PIK3C2G: variants seen among roughly 807,000 people sequenced by gnomAD.
PIK3C2G encodes phosphatidylinositol-4-phosphate 3-kinase catalytic subunit type 2 gamma.
In PIK3C2G, 168 loss-of-function variants were observed where a neutral mutation model predicts 181.1. The ratio of observed to expected loss-of-function variants is 0.93; its 90% CI spans 0.82 to 1.05. The LOEUF is 1.05. Ranked by LOEUF, PIK3C2G falls within the 50% of genes least tolerant of loss-of-function variation. The pLI is 0.00. For synonymous variants in PIK3C2G, 573 were observed against 592.2 expected (o/e 0.97, Z 0.47); for missense variants, 1,869 against 1,732.8 (o/e 1.08, Z -1.40).
chr12:18,309,984 A>C (rs146926377), intron 5 of PIK3C2G, among the ~76,000 whole-genome samples: 5 of 151,964 alleles, frequency 3.3e-5, no homozygotes, highest in African/African-American at 1.2e-4. Flanking sequence ...TAAGTAAATG[A>C]AGTATTTACA....
intron 30 of PIK3C2G, 62 bp from the exon 31 acceptor site, chr12:18,609,473 T>C: frequency 1.1e-6 from 1 of 904,744 alleles, no homozygotes; most frequent in Non-Finnish European, 1.8e-6. Flanking sequence ...TTTTAAATGT[T>C]TGATTGTTCC....
chr12:18,444,213 T>C (rs2135845817), intron 18 of PIK3C2G, among the ~76,000 whole-genome samples: 2 of 152,296 alleles, frequency 1.3e-5, no homozygotes, highest in South Asian at 2.1e-4. Context: ...TGCCCTTTCC[T>C]GGAACGGCCA....
At chr12:18,383,129 G>C (rs1473015602) in intron 14 of PIK3C2G, among the ~76,000 whole-genome samples, 1 of 152,162 alleles carries the variant, frequency 6.6e-6, no homozygotes, top group Admixed American at 6.5e-5. Flanking sequence ...AAAGAGGAGA[G>C]ACTCATCACA....
chr12:18,274,052 A>G (rs551780498), intron 1 of PIK3C2G, among the ~76,000 whole-genome samples: 8 of 152,340 alleles, frequency 5.3e-5, no homozygotes, highest in African/African-American at 1.7e-4. Flanking sequence ...CATGAAAAAA[A>G]TGCTCATCAT....
chr12:18,249,439 C>T (rs897384487), intron 1 of PIK3C2G, among the ~76,000 whole-genome samples: 1 of 152,152 alleles, frequency 6.6e-6, no homozygotes, highest in East Asian at 1.9e-4. Flanking sequence ...TTCTCCCTGA[C>T]TTCCACTACA....
chr12:18,567,028 A>G lies in PIK3C2G; in HGVS notation c.3982A>G (p.Ile1328Val). Residue 1328 changes from isoleucine (I) to valine (V), a missense_variant, in exon 29 of 33, where the codon ATA (isoleucine) becomes GTA (valine). Ile to Val is a conservative substitution (Grantham distance 29). Coordinates refer to ENST00000538779, the MANE Select transcript of PIK3C2G (RefSeq NM_001288772.2). ...AGATCTAAATCATTACATGGAACAG[A>G]TATTAAATGTATCACATGAAGTTAC... ...FRDLNHYMEQ[I>V]LNVSHEVTNS... 2 of 1,526,434 alleles carry G rather than the reference A, an allele frequency of 1.3e-6. No homozygotes were observed. The highest frequency in any genetic ancestry group is 1.8e-6 in the Non-Finnish European group (2 of 1,103,442). The allele number at this position is 1,526,434 out of a possible 1,614,324, so 94.6% of individuals were successfully genotyped here.
At chr12:18,449,957 C>A (rs981551899) in intron 18 of PIK3C2G, among the ~76,000 whole-genome samples, 1 of 152,152 alleles carries the variant, frequency 6.6e-6, no homozygotes, top group African/African-American at 2.4e-5. Context: ...TGTTTTCTGA[C>A]TTTTTAATGA....
chr12:18,435,440 G>A (rs929323077), intron 18 of PIK3C2G, among the ~76,000 whole-genome samples: 1 of 151,962 alleles, frequency 6.6e-6, no homozygotes, highest in Non-Finnish European at 1.5e-5. Flanking sequence ...GTAACAACTT[G>A]ATCCCAAACT....
At chr12:18,419,213 G>A (rs1284411802) in intron 16 of PIK3C2G, among the ~76,000 whole-genome samples, 2 of 152,150 alleles carry the variant, frequency 1.3e-5, no homozygotes, top group African/African-American at 2.4e-5. Flanking sequence ...CATAGTTAAA[G>A]ATATAGCATT....
intron 31 of PIK3C2G, among the ~76,000 whole-genome samples, chr12:18,612,832 G>A (rs1015240279): frequency 6.6e-6 from 1 of 152,092 alleles, no homozygotes; most frequent in South Asian, 2.1e-4. Flanking sequence ...GAAAAGTATT[G>A]TTTATCTTTT....
chr12:18,515,561 C>T (rs182368113), intron 24 of PIK3C2G, among the ~76,000 whole-genome samples: 46 of 152,080 alleles, frequency 3.0e-4, no homozygotes, highest in African/African-American at 1.1e-3. Context: ...TCATATCAGT[C>T]GTAATGTCCC....
intron 26 of PIK3C2G, among the ~76,000 whole-genome samples, chr12:18,556,207 C>T (rs1945003354): frequency 6.6e-6 from 1 of 152,148 alleles, no homozygotes; most frequent in Admixed American, 6.6e-5. Flanking sequence ...CATAATCCTG[C>T]TAATGCTGCC....
At chr12:18,545,106 T>G (rs1944354744) in intron 25 of PIK3C2G, among the ~76,000 whole-genome samples, 1 of 151,854 alleles carries the variant, frequency 6.6e-6, no homozygotes, top group African/African-American at 2.4e-5. Context: ...TACAAAATCC[T>G]TAATGTTGCC....
chr12:18,503,133 G>A, intron 22 of PIK3C2G, 148 bp from the exon 23 acceptor site: 1 of 478,796 alleles, frequency 2.1e-6, no homozygotes. Flanking sequence ...AGAAAGAGAT[G>A]CATCTAGATA....
At chr12:18,601,415 C>T (rs903344994) in intron 30 of PIK3C2G, among the ~76,000 whole-genome samples, 21 of 151,866 alleles carry the variant, frequency 1.4e-4, no homozygotes, top group African/African-American at 1.9e-4. Flanking sequence ...AGCTTAAAAA[C>T]GCTGATCTCA....
At chr12:18,528,041 A>C (rs1233269396) in intron 24 of PIK3C2G, among the ~76,000 whole-genome samples, 1 of 152,156 alleles carries the variant, frequency 6.6e-6, no homozygotes, top group East Asian at 1.9e-4. Context: ...GAGATCTCAC[A>C]GGGTGTTAAA....
intron 31 of PIK3C2G, among the ~76,000 whole-genome samples, chr12:18,610,959 G>A (rs1044779854): frequency 3.9e-5 from 6 of 151,952 alleles, no homozygotes; most frequent in Admixed American, 3.3e-4. Context: ...CTTTTAGACT[G>A]GGCATGTAAA....
the PIK3C2G span, among the ~76,000 whole-genome samples, chr12:18,716,889 C>T: frequency 2.0e-5 from 3 of 152,056 alleles, no homozygotes; most frequent in Non-Finnish European, 4.4e-5. Flanking sequence ...ATATTGAATG[C>T]TTTACAGCAG....
At chr12:18,304,676 T>C (rs186857203) in intron 5 of PIK3C2G, among the ~76,000 whole-genome samples, 1 of 152,232 alleles carries the variant, frequency 6.6e-6, no homozygotes, top group African/African-American at 2.4e-5. Flanking sequence ...ATATATACAG[T>C]TTTAAGTAAT....
Sources: allele counts gnomAD v4.1 joint callset (sites outside exome capture counted in the v4.1 genomes callset), GRCh38; gene constraint gnomAD v4.1.1; transcripts MANE v1.5; gene names NCBI Gene and HGNC (gene_info 2026-07-23, HGNC 2026-07-21).